USP47: variants seen among roughly 807,000 people sequenced by gnomAD.
USP47 encodes ubiquitin specific peptidase 47.
USP47 carries 35 observed loss-of-function variants against 165.1 expected under a neutral mutation model. The ratio of observed to expected loss-of-function variants is 0.21; its 90% CI spans 0.16 to 0.28. The LOEUF is 0.28. Ranked by LOEUF, USP47 falls within the 10% of genes least tolerant of loss-of-function variation. The pLI is 1.00. For missense variants in USP47, 1,277 were observed against 1,607.4 expected, an observed-to-expected ratio of 0.79 and a Z score of 3.52; for synonymous variants, 531 against 544.5, an observed-to-expected ratio of 0.98 and a Z score of 0.35.
At chr11:11,847,426 T>A (rs117821892) in intron 1 of USP47, among the ~76,000 whole-genome samples, 1 of 152,150 alleles carries the variant, frequency 6.6e-6, no homozygotes, top group South Asian at 2.1e-4. Context: ...CCTTCTAGAT[T>A]CAGATTTCCA....
At chr11:11,910,797 T>C (rs1050087054) in intron 8 of USP47, among the ~76,000 whole-genome samples, 2 of 152,140 alleles carry the variant, frequency 1.3e-5, no homozygotes, top group African/African-American at 4.8e-5. Context: ...AGGAGGCATT[T>C]AAACTAGAAG....
intron 1 of USP47, among the ~76,000 whole-genome samples, chr11:11,879,942 T>A (rs1018345884): frequency 1.3e-5 from 2 of 152,134 alleles, no homozygotes; most frequent in African/African-American, 4.8e-5. Context: ...CAAAAATGAT[T>A]GTTGATTCTG....
chr11:11,908,398 C>A (rs973289140), intron 8 of USP47, among the ~76,000 whole-genome samples: 4 of 152,060 alleles, frequency 2.6e-5, no homozygotes, highest in African/African-American at 9.7e-5. Context: ...CTCAGCCTCT[C>A]AAAGTGCTGG....
Position 11,950,593 on chromosome 11 carries a change from A to G in USP47, c.3583+111A>G, listed in dbSNP as rs979685490. The G allele has an allele frequency of 4.5e-5, 34 of 759,662 alleles. No individual in the cohort carries two copies. In the Admixed American group the frequency reaches 8.3e-4, roughly 19 times the overall value. 47.1% of individuals were successfully genotyped at this position (759,662 alleles called of 1,614,324 possible). On this transcript the variant is annotated intron_variant, in intron 24 of 27. Coordinates refer to ENST00000527733, the MANE Select transcript of USP47 (RefSeq NM_001282659.2). ...TTACGAGGAATCTAATATACATTAT[A>G]GTGTTTTGTGTTATATTAAGCATAA...
In USP47 at chr11:11,902,403, G is replaced by T. The variant is rs148042965; in HGVS notation, c.594-312G>T. On this transcript the variant is annotated intron_variant, in intron 5 of 27. Transcript: ENST00000527733. Reference sequence around the variant, plus strand: ...ATTCTTCTGTTTCCTGTATTTTTGTGAATTAATAATTAGGACAGAGGTTAT... The same window carrying T: ...ATTCTTCTGTTTCCTGTATTTTTGTTAATTAATAATTAGGACAGAGGTTAT... Among the ~76,000 whole-genome samples, 488 of 152,172 alleles carry T rather than the reference G, an allele frequency of 3.2e-3. 5 individuals are homozygous for T. Among genetic ancestry groups the T allele is most frequent in the Non-Finnish European group, 5.9e-3 (400 of 67,994 alleles).
chr11:11,900,387 C>T (rs1320921830), intron 5 of USP47, among the ~76,000 whole-genome samples: 2 of 152,066 alleles, frequency 1.3e-5, no homozygotes, highest in East Asian at 3.9e-4. Flanking sequence ...GTCTCGATCT[C>T]CTGACCTCGT....
At chr11:11,868,420 A>C (rs562474955) in intron 1 of USP47, among the ~76,000 whole-genome samples, 1 of 152,286 alleles carries the variant, frequency 6.6e-6, no homozygotes, top group East Asian at 1.9e-4. Flanking sequence ...GTTTTTTAAA[A>C]TTTAGTATAA....
intron 1 of USP47, among the ~76,000 whole-genome samples, chr11:11,849,839 A>C (rs1848628630): frequency 6.6e-6 from 1 of 152,146 alleles, no homozygotes; most frequent in Admixed American, 6.5e-5. Flanking sequence ...TCAAGACTAT[A>C]CATGTCTGTA....
At chr11:11,948,257 G>GT in intron 21 of USP47, 137 bp downstream of exon 21, 1 of 1,060,596 alleles carries the variant, frequency 9.4e-7, no homozygotes, top group Non-Finnish European at 1.3e-6. Context: ...AATTTGGGGG[G>GT]TTTTTTGTTG....
intron 4 of USP47, among the ~76,000 whole-genome samples, chr11:11,893,403 T>A (rs936614038): frequency 6.6e-6 from 1 of 152,206 alleles, no homozygotes; most frequent in Admixed American, 6.5e-5. Flanking sequence ...AAAAGAACAC[T>A]ATAGTGTTAC....
chr11:11,863,915 C>G (rs983184784), intron 1 of USP47, among the ~76,000 whole-genome samples: 5 of 152,052 alleles, frequency 3.3e-5, no homozygotes, highest in African/African-American at 1.2e-4. Flanking sequence ...AGCCCTAATT[C>G]TAAGATTAGC....
intron 25 of USP47, among the ~76,000 whole-genome samples, chr11:11,954,669 C>CTT (rs75753134): frequency 6.6e-6 from 1 of 152,062 alleles, no homozygotes; most frequent in Non-Finnish European, 1.5e-5. Flanking sequence ...GTTTTAGAAA[C>CTT]GTGGGTGTAG....
At chr11:11,901,958 C>CA (rs34053426) in intron 5 of USP47, among the ~76,000 whole-genome samples, 4,000 of 66,416 alleles carry the variant, frequency 0.06, 88 homozygotes, top group African/African-American at 0.11. Flanking sequence ...GACTCTGTCT[C>CA]AAAAAAAAAA....
chr11:11,941,760 A>G (rs1855489170), intron 19 of USP47, among the ~76,000 whole-genome samples: 1 of 152,106 alleles, frequency 6.6e-6, no homozygotes, highest in African/African-American at 2.4e-5. Flanking sequence ...ATACCTTAAT[A>G]TCAGTCAATA....
At chr11:11,871,842 GCTTAC>G (rs1222969871) in intron 1 of USP47, among the ~76,000 whole-genome samples, 1 of 152,112 alleles carries the variant, frequency 6.6e-6, no homozygotes, top group Non-Finnish European at 1.5e-5. Context: ...CTAGAAGGTG[GCTTAC>G]CTTTTTTGTT....
At chr11:11,938,440 CA>C in intron 18 of USP47, 68 bp downstream of exon 18, 1 of 1,162,178 alleles carries the variant, frequency 8.6e-7, no homozygotes, top group Non-Finnish European at 1.3e-6. Flanking sequence ...CACTATGTGA[CA>C]GTTATGAATA....
At chr11:11,862,048 C>G (rs1240173529) in intron 1 of USP47, among the ~76,000 whole-genome samples, 1 of 143,598 alleles carries the variant, frequency 7.0e-6, no homozygotes, top group South Asian at 2.2e-4. Flanking sequence ...TTAAGGAAAA[C>G]ACACATAGGA....
Position 11,888,681 on chromosome 11 carries a change from A to T in USP47, c.358-3287A>T, listed in dbSNP as rs193027038. Among the ~76,000 whole-genome samples the T allele has an allele frequency of 2.0e-4, 31 of 152,120 alleles. 1 individual carries two copies. The highest frequency in any genetic ancestry group is 4.3e-4 in the Non-Finnish European group (29 of 67,954). On this transcript the variant is annotated intron_variant, in intron 3 of 27. Transcript: ENST00000527733. ...TATTCCAAAAAATTGAAAAGGAAGA[A>T]CTCCTCCCTAATTCTTTGTATGAGG...
rs145525802 is a variant in USP47 at position 11,866,778 on chromosome 11, A to C, written c.40-13399A>C. On this transcript the variant is annotated intron_variant, in intron 1 of 27. Transcript: ENST00000527733. ...TATTTTCTCTCACAACAATGAAAGT[A>C]TCATGCTCCAGTCTTATGGCCCACA... Among the ~76,000 whole-genome samples the C allele has an allele frequency of 9.7e-3, 1,481 of 152,334 alleles. 11 individuals are homozygous for C. The highest frequency in any genetic ancestry group is 0.012 in the Non-Finnish European group (783 of 68,030).
Sources: allele counts gnomAD v4.1 joint callset (sites outside exome capture counted in the v4.1 genomes callset), GRCh38; gene constraint gnomAD v4.1.1; transcripts MANE v1.5; gene names NCBI Gene and HGNC (gene_info 2026-07-23, HGNC 2026-07-21).